Variants in GPRIN3 observed in about 807,000 individuals in gnomAD.
The protein encoded by GPRIN3 is GPRIN family member 3, also known as G protein-regulated inducer of neurite outgrowth 3.
A neutral mutation model predicts 13.7 loss-of-function variants in GPRIN3; 12 were observed. The observed-to-expected ratio is 0.87, with a 90% CI of 0.56 to 1.42. The LOEUF (loss-of-function observed/expected upper bound fraction) is 1.42, where lower values mean the gene tolerates loss of function less well. Ranked by LOEUF, GPRIN3 falls within the 40% of genes most tolerant of loss-of-function variation. GPRIN3 has a pLI of 0.00. For synonymous variants in GPRIN3, 377 were observed against 372.7 expected, an observed-to-expected ratio of 1.01 and a Z score of -0.13; for missense variants, 1,009 against 958.7, an observed-to-expected ratio of 1.05 and a Z score of -0.69.
chr4:89,261,891 A>G (rs1723638455), intron 1 of GPRIN3, among the ~76,000 whole-genome samples: 1 of 151,998 alleles, frequency 6.6e-6, no homozygotes, highest in Non-Finnish European at 1.5e-5. Context: ...GGGGGTGGAT[A>G]GCCTGAGCTT....
Position 89,248,446 on chromosome 4 carries a change from A to T in GPRIN3, c.1665T>A (p.Asp555Glu). The T allele has an allele frequency of 6.2e-7, 1 of 1,614,100 alleles. No homozygotes were observed. Among genetic ancestry groups the T allele is most frequent in the Non-Finnish European group, 8.5e-7 (1 of 1,179,984 alleles). Residue 555 changes from aspartate to glutamate, a missense_variant, in exon 2 of 2, where the codon GAT (aspartate) becomes GAA (glutamate). Coordinates refer to ENST00000609438, the MANE Select transcript of GPRIN3 (RefSeq NM_198281.3). The stretch of plus-strand genomic sequence containing the variant: ...GCAGTAGGGTTTTGGCATCCGAGGT[A>T]TCAGTGCCAGTAGACTCTTTTTCTT... ...VVKEKESTGT[D>E]TSDAKTLLLN...
chr4:89,270,496 G>A (rs1487727740), intron 1 of GPRIN3, among the ~76,000 whole-genome samples: 1 of 135,648 alleles, frequency 7.4e-6, no homozygotes, highest in East Asian at 2.1e-4. Flanking sequence ...ACCATATTTG[G>A]CATTTTAATT....
At chr4:89,254,916 T>C (rs1052742539) in intron 1 of GPRIN3, among the ~76,000 whole-genome samples, 2 of 152,182 alleles carry the variant, frequency 1.3e-5, no homozygotes, top group African/African-American at 4.8e-5. Flanking sequence ...CTTGCCTCTA[T>C]TTATTGTTAA....
intron 1 of GPRIN3, among the ~76,000 whole-genome samples, chr4:89,304,893 C>T (rs1334596529): frequency 6.6e-6 from 1 of 152,116 alleles, no homozygotes; most frequent in East Asian, 1.9e-4. Context: ...AGGTGGTAGA[C>T]ATTTGTAGAT....
intron 1 of GPRIN3, among the ~76,000 whole-genome samples, chr4:89,260,602 T>C (rs1306167646): frequency 6.6e-6 from 1 of 152,218 alleles, no homozygotes; most frequent in Admixed American, 6.5e-5. Flanking sequence ...AGAGTGTATA[T>C]AATTAAGTGG....
At chr4:89,307,298 C>CA (rs1561242497) in intron 1 of GPRIN3, among the ~76,000 whole-genome samples, 21 of 150,268 alleles carry the variant, frequency 1.4e-4, no homozygotes, top group African/African-American at 5.2e-4. Flanking sequence ...CACACACACA[C>CA]CCCTCATATT....
intron 1 of GPRIN3, among the ~76,000 whole-genome samples, chr4:89,280,502 A>G (rs975432544): frequency 1.3e-5 from 2 of 152,180 alleles, no homozygotes; most frequent in African/African-American, 4.8e-5. Flanking sequence ...TACAACCATA[A>G]GGAAGGATCA....
chr4:89,284,209 T>C (rs1724336682), intron 1 of GPRIN3, among the ~76,000 whole-genome samples: 1 of 152,028 alleles, frequency 6.6e-6, no homozygotes, highest in South Asian at 2.1e-4. Flanking sequence ...GGTGAAGGAA[T>C]GGGTGGGTGG....
At chr4:89,271,551 G>A (rs527552302) in intron 1 of GPRIN3, among the ~76,000 whole-genome samples, 33 of 150,304 alleles carry the variant, frequency 2.2e-4, no homozygotes, top group African/African-American at 7.7e-4. Flanking sequence ...GTAAAGAGTT[G>A]TTATATGGTA....
At chr4:89,259,099 T>C (rs1723558075) in intron 1 of GPRIN3, among the ~76,000 whole-genome samples, 1 of 152,216 alleles carries the variant, frequency 6.6e-6, no homozygotes, top group Non-Finnish European at 1.5e-5. Context: ...TACTATATGT[T>C]CCCCTAAATC....
intron 1 of GPRIN3, among the ~76,000 whole-genome samples, chr4:89,291,630 A>C (rs963035037): frequency 3.9e-5 from 6 of 152,194 alleles, no homozygotes; most frequent in African/African-American, 1.4e-4. Flanking sequence ...TAAAGCCACT[A>C]TAAATAAGTT....
intron 1 of GPRIN3, among the ~76,000 whole-genome samples, chr4:89,279,437 T>C (rs1019943699): frequency 5.3e-5 from 8 of 152,172 alleles, no homozygotes; most frequent in African/African-American, 1.9e-4. Context: ...AAGTCTTTCC[T>C]GGCCCATGTA....
intron 1 of GPRIN3, among the ~76,000 whole-genome samples, chr4:89,300,157 G>A (rs1246223036): frequency 1.3e-5 from 2 of 151,944 alleles, no homozygotes; most frequent in African/African-American, 2.4e-5. Flanking sequence ...TATATTTGGC[G>A]CCATCACCTT....
Position 89,250,203 on chromosome 4 carries a change from C to T in GPRIN3, c.-93G>A. The T allele has an allele frequency of 6.6e-7, 1 of 1,517,396 alleles. No individual in the cohort carries two copies. The highest frequency in any genetic ancestry group is 8.8e-7 in the Non-Finnish European group (1 of 1,133,890). 94.0% of individuals were successfully genotyped at this position (1,517,396 alleles called of 1,614,324 possible). A position where few individuals can be genotyped will look rare whatever the true frequency, so the allele number is the denominator to read the frequency against. The stretch of plus-strand genomic sequence containing the variant: ...GCAGTCAGAGCTCAGAGTGATGACA[C>T]AGTCAGGGATGATTCCTCTGAAGAA... On this transcript the variant is annotated 5_prime_UTR_variant, in exon 2 of 2. It adds an upstream start codon to the 5' untranslated region. Coordinates refer to ENST00000609438, the MANE Select transcript of GPRIN3 (RefSeq NM_198281.3).
chr4:89,259,980 T>C (rs1442890146), intron 1 of GPRIN3, among the ~76,000 whole-genome samples: 1 of 152,200 alleles, frequency 6.6e-6, no homozygotes, highest in Non-Finnish European at 1.5e-5. Flanking sequence ...AATTTTTTTG[T>C]ATTTTTAACA....
At chr4:89,274,334 C>A (rs1724038195) in intron 1 of GPRIN3, among the ~76,000 whole-genome samples, 1 of 152,166 alleles carries the variant, frequency 6.6e-6, no homozygotes, top group Non-Finnish European at 1.5e-5. Context: ...TGTGGGATAA[C>A]AGCAAGGAAG....
At position 89,239,235 on chromosome 4, in the gene GPRIN3, T is replaced by C. The variant is rs1722860977; in HGVS notation, c.*8545A>G. On this transcript the variant is annotated 3_prime_UTR_variant, in exon 2 of 2. Coordinates refer to ENST00000609438, the MANE Select transcript of GPRIN3 (RefSeq NM_198281.3). ...TTGAATATTTTTTCTTGTAATATTA[T>C]ACCACACTTTTGATCTTTCTTAGTT... 1 of 152,172 alleles carries C rather than the reference T, an allele frequency of 6.6e-6. No individual in the cohort carries two copies. The highest frequency in any genetic ancestry group is 1.5e-5 in the Non-Finnish European group (1 of 68,014). The allele number at this position is 152,172 out of a possible 1,614,324, so 9.4% of individuals were successfully genotyped here.
intron 1 of GPRIN3, among the ~76,000 whole-genome samples, chr4:89,257,945 T>C (rs1723517818): frequency 6.6e-6 from 1 of 152,050 alleles, no homozygotes; most frequent in Non-Finnish European, 1.5e-5. Flanking sequence ...ATGAAAACCA[T>C]GAACCCTCTA....
At chr4:89,256,515 G>T (rs1399863888) in intron 1 of GPRIN3, among the ~76,000 whole-genome samples, 11 of 152,194 alleles carry the variant, frequency 7.2e-5, no homozygotes, top group African/African-American at 2.7e-4. Flanking sequence ...AAGCCACGCT[G>T]ATGGGAAGAG....
Sources: gnomAD v4.1 joint callset for allele counts (sites outside exome capture counted in the v4.1 genomes callset) on GRCh38, gnomAD v4.1.1 for gene constraint, MANE v1.5 for transcripts, NCBI Gene and HGNC (gene_info 2026-07-23, HGNC 2026-07-21) for gene names.